Variants in SLCO3A1 observed in about 807,000 individuals in gnomAD.
SLCO3A1 encodes solute carrier organic anion transporter family member 3A1, also known as PGE1 transporter.
Under a neutral mutation model 63.1 loss-of-function variants are expected in SLCO3A1, and 27 were observed. That is an observed-to-expected ratio of 0.43 (90% confidence interval 0.32 to 0.59). SLCO3A1 has a LOEUF of 0.59. Ranked by LOEUF, SLCO3A1 falls within the 20% of genes least tolerant of loss-of-function variation. The pLI, the probability that SLCO3A1 is intolerant of heterozygous loss-of-function variation, is 0.09. For missense variants in SLCO3A1, 773 were observed against 945.8 expected, an observed-to-expected ratio of 0.82 and a Z score of 2.40; for synonymous variants, 473 against 409.9, an observed-to-expected ratio of 1.15 and a Z score of -1.86.
intron 2 of SLCO3A1, among the ~76,000 whole-genome samples, chr15:92,013,195 G>A (rs1317493377): frequency 6.6e-6 from 1 of 152,224 alleles, no homozygotes; most frequent in Non-Finnish European, 1.5e-5. Flanking sequence ...GGGCAAGACC[G>A]GGCCCTTCTC....
At chr15:91,857,028 TCGTGTGTGTGTGTG>T (rs1262807935) in intron 1 of SLCO3A1, among the ~76,000 whole-genome samples, 1 of 119,238 alleles carries the variant, frequency 8.4e-6, no homozygotes, top group African/African-American at 3.9e-5. Flanking sequence ...GAAGGAGGAC[TCGTGTGTGTGTGTG>T]TGTGTGTGTG....
intron 2 of SLCO3A1, among the ~76,000 whole-genome samples, chr15:92,036,446 A>G (rs1390847850): frequency 5.4e-5 from 8 of 147,504 alleles, no homozygotes; most frequent in Non-Finnish European, 1.2e-4. Flanking sequence ...AAGGGACTCT[A>G]GCTCCTGGGA....
intron 2 of SLCO3A1, among the ~76,000 whole-genome samples, chr15:91,956,294 G>C (rs1486727922): frequency 2.0e-5 from 3 of 152,146 alleles, no homozygotes; most frequent in Non-Finnish European, 4.4e-5. Context: ...AATGACTGAG[G>C]AGGATTTGAT....
intron 9 of SLCO3A1, among the ~76,000 whole-genome samples, chr15:92,152,902 G>A (rs1396679743): frequency 1.3e-5 from 2 of 152,178 alleles, no homozygotes; most frequent in Admixed American, 6.5e-5. Context: ...GGAGATCTCT[G>A]CACCTCTAGA....
chr15:92,132,627 A>AG, intron 7 of SLCO3A1, among the ~76,000 whole-genome samples: 1 of 143,802 alleles, frequency 7.0e-6, no homozygotes, highest in South Asian at 2.2e-4. Flanking sequence ...TAGAAAAAAA[A>AG]AAAAACTTCC....
Position 91,894,920 on chromosome 15 carries a change from G to A in SLCO3A1, c.181-21073G>A, listed in dbSNP as rs569054354. Among the ~76,000 whole-genome samples, 1 of 152,206 alleles carries A rather than the reference G, an allele frequency of 6.6e-6. No individual in the cohort carries two copies. Among genetic ancestry groups the A allele is most frequent in the Non-Finnish European group, 1.5e-5 (1 of 68,042 alleles). ...AAGAACTCTCAAGAATCAAGGTTGA[G>A]TCTGTTGTTCCTAATCCATACCTGC... is the stretch of plus-strand genomic sequence containing the variant. On this transcript the variant is annotated intron_variant, in intron 1 of 9. Coordinates refer to ENST00000318445, the MANE Select transcript of SLCO3A1 (RefSeq NM_013272.4). This position sits in a 1 kb window ranked among gnomAD's most constrained non-coding sequence, Gnocchi z 4.8.
At position 91,942,691 on chromosome 15, in the gene SLCO3A1, C is replaced by T. The variant is rs531516987; in HGVS notation, c.646+26233C>T. Among the ~76,000 whole-genome samples the T allele has an allele frequency of 2.0e-5, 3 of 152,288 alleles. No individual in the cohort carries two copies. The highest frequency in any genetic ancestry group is 7.2e-5 in the African/African-American group (3 of 41,568). On this transcript the variant is annotated intron_variant, in intron 2 of 9. Coordinates refer to ENST00000318445, the MANE Select transcript of SLCO3A1 (RefSeq NM_013272.4). The surrounding 1 kb of genome is among the most constrained non-coding windows in gnomAD (Gnocchi z 4.1). ...CTCCACCTCCTGGGTGAAGGTAATT[C>T]CCAAGAAGCTGGAATTACAGGCGTG...
chr15:92,119,514 G>C (rs34100035), intron 4 of SLCO3A1, among the ~76,000 whole-genome samples: 121,549 of 152,030 alleles, frequency 0.8, 49,889 homozygotes, highest in Non-Finnish European at 0.9. Flanking sequence ...GAAGAGACCC[G>C]CTAAGGAGAA....
At chr15:92,061,867 C>T (rs1396018098) in intron 2 of SLCO3A1, among the ~76,000 whole-genome samples, 31 of 152,202 alleles carry the variant, frequency 2.0e-4, no homozygotes, top group Non-Finnish European at 1.6e-4. Flanking sequence ...CCTTTGGGAG[C>T]CACAAGGGTT....
At chr15:92,169,599 G>A (rs753017326), downstream of SLCO3A1, among the ~76,000 whole-genome samples, 15 of 151,668 alleles carry the variant, frequency 9.9e-5, no homozygotes, top group African/African-American at 2.9e-4. Context: ...AGTGCATTCC[G>A]AAATGCACTA....
At chr15:92,117,383 C>T (rs2047808074) in intron 4 of SLCO3A1, among the ~76,000 whole-genome samples, 1 of 152,170 alleles carries the variant, frequency 6.6e-6, no homozygotes, top group South Asian at 2.1e-4. Flanking sequence ...GAGTCCTAGA[C>T]TCTGAAGATT....
intron 2 of SLCO3A1, among the ~76,000 whole-genome samples, chr15:91,923,178 C>T (rs1368812751): frequency 2.6e-5 from 4 of 152,210 alleles, no homozygotes; most frequent in South Asian, 2.1e-4. Context: ...TTTCCATGAA[C>T]GTCAGGTGTC....
At chr15:91,932,528 C>T (rs529135024) in intron 2 of SLCO3A1, among the ~76,000 whole-genome samples, 2 of 152,184 alleles carry the variant, frequency 1.3e-5, no homozygotes, top group East Asian at 3.9e-4. Flanking sequence ...TCACAGGAAC[C>T]TCCACCTCCC....
intron 2 of SLCO3A1, among the ~76,000 whole-genome samples, chr15:91,961,584 C>T (rs994141751): frequency 1.3e-5 from 2 of 152,214 alleles, no homozygotes; most frequent in Non-Finnish European, 2.9e-5. Flanking sequence ...TTTTCCCCTA[C>T]AGTGTATTGC....
At chr15:91,910,232 T>C (rs768339926) in intron 1 of SLCO3A1, among the ~76,000 whole-genome samples, 1 of 152,176 alleles carries the variant, frequency 6.6e-6, no homozygotes, top group Admixed American at 6.5e-5. Context: ...TAAAATCTAA[T>C]TGATCTTTGT....
intron 3 of SLCO3A1, among the ~76,000 whole-genome samples, chr15:92,100,821 A>G (rs2047596721): frequency 6.6e-6 from 1 of 152,208 alleles, no homozygotes; most frequent in African/African-American, 2.4e-5. Context: ...TCTTTGTGCT[A>G]CATCCAGTGT....
At chr15:92,125,999 C>A in intron 5 of SLCO3A1, 62 bp from the exon 6 acceptor site, 2 of 1,457,296 alleles carry the variant, frequency 1.4e-6, no homozygotes, top group Non-Finnish European at 1.9e-6. Flanking sequence ...CTGCTGCCCG[C>A]CTGTCTGTAG....
chr15:91,964,205 G>A (rs1900570017), intron 2 of SLCO3A1, among the ~76,000 whole-genome samples: 1 of 152,172 alleles, frequency 6.6e-6, no homozygotes, highest in Non-Finnish European at 1.5e-5. Context: ...TGTTGGAAAT[G>A]TAATGGAACC....
Position 92,164,956 on chromosome 15 carries a change from AAAACTC to A in SLCO3A1, c.*1825_*1830del. 1.0e-6 allele frequency: 1 copy of A among 972,768 alleles called. No individual in the cohort carries two copies. The highest frequency in any genetic ancestry group is 1.9e-5 in the African/African-American group (1 of 52,988). 60.3% of individuals were successfully genotyped at this position (972,768 alleles called of 1,614,324 possible). A position where few individuals can be genotyped will look rare whatever the true frequency, so the allele number is the denominator to read the frequency against. On this transcript the variant is annotated 3_prime_UTR_variant, in exon 10 of 10. Coordinates refer to ENST00000318445, the MANE Select transcript of SLCO3A1 (RefSeq NM_013272.4). ...ATGTCACATTCCTGGCGCTGGAAAA[AAAACTC>A]AAAGGTTGATTGGTTTGCTTTTTCA...
Sources: gnomAD v4.1 joint callset for allele counts (sites outside exome capture counted in the v4.1 genomes callset) on GRCh38, gnomAD v4.1.1 for gene constraint, Gnocchi (gnomAD v3.1) non-coding constraint, MANE v1.5 for transcripts, NCBI Gene and HGNC (gene_info 2026-07-23, HGNC 2026-07-21) for gene names.